KIF13B: variants seen among roughly 807,000 people sequenced by gnomAD.
KIF13B encodes kinesin family member 13B.
Under a neutral mutation model 222.0 loss-of-function variants are expected in KIF13B, and 127 were observed. The observed-to-expected ratio is 0.57, with a 90% CI of 0.50 to 0.66. KIF13B has a LOEUF of 0.66. KIF13B is among the 30% of genes least tolerant of loss of function. KIF13B has a pLI of 0.00. For synonymous variants in KIF13B, 976 were observed against 919.0 expected (o/e 1.06, Z -1.12); for missense variants, 2,173 against 2,379.0 (o/e 0.91, Z 1.80).
Position 29,110,010 on chromosome 8 carries a change from G to T in KIF13B, c.3991C>A (p.Pro1331Thr). The stretch of plus-strand genomic sequence containing the variant: ...TAAGCCTCCGAGTCAGCAGAAGCTG[G>T]GTTTTCAACATTGGCTGCCATTCTT... Reference protein sequence around the residue: ...LARMAANVENPASADSEAYIE... With the variant: ...LARMAANVENTASADSEAYIE... Residue 1331 changes from proline (P) to threonine (T), a missense_variant, in exon 33 of 40, where the codon CCA becomes ACA. Physicochemically the swap from Pro to Thr is conservative, Grantham distance 38 (BLOSUM62 -1). Around this residue, in one of 2 missense-constraint regions of KIF13B, gnomAD observed 1,480 missense variants for 1,722.8 expected, o/e 0.86. Coordinates refer to ENST00000524189, the MANE Select transcript of KIF13B (RefSeq NM_015254.4). The T allele has an allele frequency of 6.2e-7, 1 of 1,601,194 alleles. No homozygotes were observed. Among genetic ancestry groups the T allele is most frequent in the Non-Finnish European group, 8.5e-7 (1 of 1,173,874 alleles).
At chr8:29,123,046 C>A (rs1809946326) in intron 28 of KIF13B, among the ~76,000 whole-genome samples, 1 of 152,104 alleles carries the variant, frequency 6.6e-6, no homozygotes, top group South Asian at 2.1e-4. Context: ...TTTCTTATGA[C>A]CGAACAGTCT....
chr8:29,183,257 T>G (rs545565057), intron 6 of KIF13B, among the ~76,000 whole-genome samples: 2 of 149,642 alleles, frequency 1.3e-5, no homozygotes, highest in South Asian at 4.3e-4. Flanking sequence ...GTTCAAGCAG[T>G]TCTCCTGCCT....
intron 7 of KIF13B, among the ~76,000 whole-genome samples, chr8:29,180,548 G>GA (rs1364053049): frequency 6.6e-6 from 1 of 151,822 alleles, no homozygotes; most frequent in Non-Finnish European, 1.5e-5. Flanking sequence ...ATAGAAATTT[G>GA]AAAAAACGTA....
intron 22 of KIF13B, 67 bp downstream of exon 22, chr8:29,133,973 G>A: frequency 6.9e-7 from 1 of 1,443,392 alleles, no homozygotes; most frequent in Non-Finnish European, 9.5e-7. Context: ...AAGAAACAAG[G>A]TTCATTTTCT....
chr8:29,184,853 T>G (rs549533477), intron 6 of KIF13B, among the ~76,000 whole-genome samples: 2 of 152,114 alleles, frequency 1.3e-5, no homozygotes, highest in Admixed American at 1.3e-4. Context: ...CAAGAAAAAG[T>G]GTTCAAGGCA....
chr8:29,193,576 C>T (rs995382276), intron 3 of KIF13B, among the ~76,000 whole-genome samples: 8 of 152,196 alleles, frequency 5.3e-5, no homozygotes, highest in Non-Finnish European at 7.3e-5. Context: ...GCTTAGTTCT[C>T]ACTTCAAAAG....
chr8:29,072,378 G>A, intron 38 of KIF13B, 62 bp from the exon 39 acceptor site: 2 of 1,196,874 alleles, frequency 1.7e-6, no homozygotes, highest in South Asian at 2.4e-5. Flanking sequence ...AACCAAGCAG[G>A]CAGCTTTGAC....
chr8:29,156,679 A>ATTT (rs570502495), intron 13 of KIF13B, among the ~76,000 whole-genome samples: 9 of 144,908 alleles, frequency 6.2e-5, no homozygotes, highest in African/African-American at 1.3e-4. Context: ...TGACCAACTA[A>ATTT]TTTTTTTTTT....
At chr8:29,123,584 A>G (rs1563720896) in intron 27 of KIF13B, 92 bp from the exon 28 acceptor site, 1 of 1,513,658 alleles carries the variant, frequency 6.6e-7, no homozygotes, top group South Asian at 1.2e-5. Flanking sequence ...CTATATTTCA[A>G]TTATTAGCTC....
At chr8:29,156,462 GT>G (rs111331569) in intron 13 of KIF13B, among the ~76,000 whole-genome samples, 107 of 151,788 alleles carry the variant, frequency 7.0e-4, no homozygotes, top group African/African-American at 2.4e-3. Context: ...CTTTAGTTCC[GT>G]TTTTTTCCCC....
chr8:29,248,578 G>C (rs1450219440), intron 1 of KIF13B, among the ~76,000 whole-genome samples: 1 of 152,140 alleles, frequency 6.6e-6, no homozygotes, highest in Non-Finnish European at 1.5e-5. Flanking sequence ...GATCTCGTGA[G>C]ACTTATTCAT....
At chr8:29,186,770 G>A (rs1812947693) in intron 5 of KIF13B, among the ~76,000 whole-genome samples, 2 of 151,358 alleles carry the variant, frequency 1.3e-5, no homozygotes, top group Non-Finnish European at 2.9e-5. Flanking sequence ...ATCAGCCTGG[G>A]CAACAAGGTG....
intron 2 of KIF13B, among the ~76,000 whole-genome samples, chr8:29,214,635 T>C (rs185527887): frequency 1.3e-3 from 200 of 152,332 alleles, no homozygotes; most frequent in Non-Finnish European, 2.4e-3. Flanking sequence ...ACTAAAATAA[T>C]GATAAAAAGT....
intron 2 of KIF13B, among the ~76,000 whole-genome samples, chr8:29,245,084 T>G (rs59546940): frequency 0.19 from 29,077 of 152,022 alleles, 3,680 homozygotes; most frequent in East Asian, 0.58. Flanking sequence ...TCAAGAAGCC[T>G]TCTTCAATTG....
intron 6 of KIF13B, among the ~76,000 whole-genome samples, chr8:29,185,838 A>T (rs565377777): frequency 2.6e-4 from 39 of 152,290 alleles, no homozygotes; most frequent in African/African-American, 8.9e-4. Flanking sequence ...CTGTGGAATG[A>T]ACAGATTTCT....
intron 2 of KIF13B, among the ~76,000 whole-genome samples, chr8:29,228,472 A>AAAAAAAAAAAAAAAATATATAT: frequency 7.7e-5 from 9 of 117,074 alleles, no homozygotes; most frequent in South Asian, 2.9e-4. Context: ...ATCTTAAAAA[A>AAAAAAAAAAAAAAAATATATAT]ATATATATAT....
intron 13 of KIF13B, 75 bp from the exon 14 acceptor site, chr8:29,155,931 C>T (rs945119018): frequency 3.3e-6 from 4 of 1,216,160 alleles, no homozygotes; most frequent in Admixed American, 2.0e-5. Flanking sequence ...ACACTGAGCC[C>T]TCTTATATTG....
intron 22 of KIF13B, 78 bp from the exon 23 acceptor site, chr8:29,132,543 C>A: frequency 1.1e-6 from 1 of 904,792 alleles, no homozygotes; most frequent in Non-Finnish European, 1.5e-6. Flanking sequence ...ACATCACATA[C>A]TTAATTATAT....
At chr8:29,169,680 G>T (rs1362998985) in intron 10 of KIF13B, among the ~76,000 whole-genome samples, 1 of 152,196 alleles carries the variant, frequency 6.6e-6, no homozygotes, top group African/African-American at 2.4e-5. Context: ...AGCCATGACT[G>T]TTTGCTTTGC....
Sources: allele counts gnomAD v4.1 joint callset (sites outside exome capture counted in the v4.1 genomes callset), GRCh38; gene constraint gnomAD v4.1.1; regional missense constraint gnomAD v4.1.1; transcripts MANE v1.5; gene names NCBI Gene and HGNC (gene_info 2026-07-23, HGNC 2026-07-21).